The following ABCB1 variants were observed in gnomAD, a reference collection of about 807,000 sequenced individuals.
The protein encoded by ABCB1 is ATP binding cassette subfamily B member 1.
A neutral mutation model predicts 142.0 loss-of-function variants in ABCB1; 69 were observed. That is an observed-to-expected ratio of 0.49 (90% CI 0.40 to 0.59). The LOEUF (loss-of-function observed/expected upper bound fraction) is 0.59. Among genes scored for constraint, ABCB1 ranks in the 20% least tolerant of loss-of-function variants. The pLI is 0.00. For synonymous variants in ABCB1, 532 were observed against 539.2 expected, an observed-to-expected ratio of 0.99 and a Z score of 0.18; for missense variants, 1,326 against 1,554.7, an observed-to-expected ratio of 0.85 and a Z score of 2.47.
intron 17 of ABCB1, among the ~76,000 whole-genome samples, chr7:87,542,074 A>G (rs1816563840): frequency 6.6e-6 from 1 of 152,186 alleles, no homozygotes; most frequent in Non-Finnish European, 1.5e-5. Flanking sequence ...GAGGATAACC[A>G]TTCCTCAGGG....
chr7:87,648,980 G>A (rs540472896), intron 1 of ABCB1, among the ~76,000 whole-genome samples: 133 of 151,102 alleles, frequency 8.8e-4, no homozygotes, highest in African/African-American at 3.1e-3. Context: ...TTTTCTGTCC[G>A]GATTGAATAG....
Position 87,550,709 on chromosome 7 carries a change from G to A in ABCB1, c.1113+16C>T. 6.3e-7 allele frequency: 1 copy of A among 1,582,328 alleles called. No homozygotes were observed. Among genetic ancestry groups the A allele is most frequent in the South Asian group, 1.1e-5 (1 of 90,472 alleles). ...AATCTTTTAGATAGGTGGATAGATG[G>A]CCAACTCAGACTTACATTATCAATT... On this transcript the variant is annotated intron_variant, in intron 10 of 27. Coordinates refer to ENST00000622132, the MANE Select transcript of ABCB1 (RefSeq NM_001348946.2).
chr7:87,576,475 A>G (rs1022508275), intron 4 of ABCB1, among the ~76,000 whole-genome samples: 1 of 149,986 alleles, frequency 6.7e-6, no homozygotes, highest in African/African-American at 2.4e-5. Flanking sequence ...AGATACTTTT[A>G]CACACATATA....
chr7:87,550,435 GATTA>G (rs1242138888), intron 11 of ABCB1, 29 bp downstream of exon 11: 1 of 1,604,194 alleles, frequency 6.2e-7, no homozygotes, highest in Middle Eastern at 1.7e-4. Flanking sequence ...TCATTCAATA[GATTA>G]ATTGTTGATT....
At chr7:87,541,842 G>A (rs925424636) in intron 17 of ABCB1, among the ~76,000 whole-genome samples, 31 of 152,288 alleles carry the variant, frequency 2.0e-4, no homozygotes, top group Non-Finnish European at 2.9e-4. Context: ...GGTGTCTGGG[G>A]AAAACCTGAT....
chr7:87,671,953 C>A (rs1825863399), intron 1 of ABCB1, among the ~76,000 whole-genome samples: 1 of 152,104 alleles, frequency 6.6e-6, no homozygotes, highest in South Asian at 2.1e-4. Context: ...AGGTCCTGCC[C>A]AGTGAGGAGA....
intron 1 of ABCB1, among the ~76,000 whole-genome samples, chr7:87,611,873 T>G (rs1280672511): frequency 6.6e-6 from 1 of 152,128 alleles, no homozygotes; most frequent in African/African-American, 2.4e-5. Flanking sequence ...TTCTAAGAAT[T>G]TTATAACAAC....
intron 1 of ABCB1, among the ~76,000 whole-genome samples, chr7:87,696,232 A>G (rs1563140926): frequency 6.6e-6 from 1 of 152,188 alleles, no homozygotes; most frequent in Non-Finnish European, 1.5e-5. Context: ...CAAGATATAG[A>G]GTAGTCAGTT....
intron 4 of ABCB1, among the ~76,000 whole-genome samples, chr7:87,572,040 A>G (rs963556745): frequency 6.6e-6 from 1 of 152,240 alleles, no homozygotes; most frequent in African/African-American, 2.4e-5. Context: ...AAACTTTTTC[A>G]GATTGAATTT....
At position 87,541,396 on chromosome 7, in the gene ABCB1, T is replaced by C. The variant is rs201862444; in HGVS notation, c.2280A>G (p.Leu760=). ...QNSNLFSLLF[L]ALGIISFITF... is the part of the protein sequence containing the mutation. ...TAATAAAAGAAATAATTCCAAGGGC[T>C]AGAAACAATAGTGAAAACAAGTTAC... Residue 760 remains leucine (L), a synonymous_variant, in exon 18 of 28, where the codon CTA becomes CTG. Transcript: ENST00000622132. 2 of 1,606,456 alleles carry C rather than the reference T, an allele frequency of 1.2e-6. No homozygotes were observed. Among genetic ancestry groups the C allele is most frequent in the African/African-American group, 2.7e-5 (2 of 74,750 alleles).
At chr7:87,590,177 G>A (rs140557386) in intron 3 of ABCB1, among the ~76,000 whole-genome samples, 5 of 152,124 alleles carry the variant, frequency 3.3e-5, no homozygotes, top group Non-Finnish European at 7.3e-5. Flanking sequence ...TCTAGGTACT[G>A]GTAACAACAG....
intron 2 of ABCB1, 114 bp downstream of exon 2, chr7:87,600,003 T>C: frequency 9.1e-7 from 1 of 1,101,564 alleles, no homozygotes; most frequent in Non-Finnish European, 1.3e-6. Context: ...AGCTTGCGTT[T>C]CTTAAAAATA....
chr7:87,564,789 G>A (rs28381853), intron 7 of ABCB1, among the ~76,000 whole-genome samples: 3,040 of 152,312 alleles, frequency 0.02, 43 homozygotes, highest in African/African-American at 0.034. Context: ...GGCATGTGAA[G>A]CAATGCATAA....
intron 1 of ABCB1, among the ~76,000 whole-genome samples, chr7:87,649,126 T>A (rs913729505): frequency 1.3e-5 from 2 of 152,188 alleles, no homozygotes; most frequent in African/African-American, 4.8e-5. Flanking sequence ...TACCATCCTT[T>A]ATAGGATATT....
intron 1 of ABCB1, among the ~76,000 whole-genome samples, chr7:87,706,019 TC>T (rs1829551724): frequency 6.6e-6 from 1 of 152,226 alleles, no homozygotes; most frequent in African/African-American, 2.4e-5. Context: ...CCCCCCATTT[TC>T]TTTGTTTTTA....
chr7:87,609,295 C>A (rs1222284799), intron 1 of ABCB1, among the ~76,000 whole-genome samples: 1 of 152,006 alleles, frequency 6.6e-6, no homozygotes, highest in Non-Finnish European at 1.5e-5. Context: ...TATTGGAGAT[C>A]CTCGAATACT....
intron 1 of ABCB1, among the ~76,000 whole-genome samples, chr7:87,645,838 C>A (rs1334987373): frequency 1.3e-5 from 2 of 151,796 alleles, no homozygotes; most frequent in African/African-American, 2.4e-5. Context: ...AATCGGTTAG[C>A]TGAAAGTGAA....
At chr7:87,617,491 A>T (rs1056982440) in intron 1 of ABCB1, among the ~76,000 whole-genome samples, 1 of 152,248 alleles carries the variant, frequency 6.6e-6, no homozygotes, top group African/African-American at 2.4e-5. Flanking sequence ...AAAAAGGAGC[A>T]GAGTGACTAT....
intron 1 of ABCB1, among the ~76,000 whole-genome samples, chr7:87,623,608 T>G (rs1820304895): frequency 6.6e-6 from 1 of 152,252 alleles, no homozygotes; most frequent in Non-Finnish European, 1.5e-5. Context: ...TCTCCAATTC[T>G]TTGGAATGGT....
Sources: gnomAD v4.1 joint callset for allele counts (sites outside exome capture counted in the v4.1 genomes callset) on GRCh38, gnomAD v4.1.1 for gene constraint, MANE v1.5 for transcripts, NCBI Gene and HGNC (gene_info 2026-07-23, HGNC 2026-07-21) for gene names.